The following ANO3 variants were observed in gnomAD, a reference collection of about 807,000 sequenced individuals.
The protein encoded by ANO3 is anoctamin-3.
A neutral mutation model predicts 144.8 loss-of-function variants in ANO3; 99 were observed. That is an observed-to-expected ratio of 0.68 (90% CI 0.58 to 0.81). The LOEUF (loss-of-function observed/expected upper bound fraction) is 0.81, where lower values mean the gene tolerates loss of function less well. Among genes scored for constraint, ANO3 ranks in the 30% least tolerant of loss-of-function variants. The pLI, the probability that ANO3 is intolerant of heterozygous loss-of-function variation, is 0.00. For missense variants in ANO3, 905 were observed against 1,202.2 expected (o/e 0.75, Z 3.66); for synonymous variants, 414 against 392.6 (o/e 1.05, Z -0.64).
intron 24 of ANO3, 41 bp from the exon 25 acceptor site, chr11:26,656,084 T>G (rs1853679486): frequency 7.0e-7 from 1 of 1,431,378 alleles, no homozygotes; most frequent in East Asian, 2.3e-5. Context: ...GCTAGAAACG[T>G]ATGAATCTTT....
intron 3 of ANO3, among the ~76,000 whole-genome samples, chr11:26,462,381 T>C (rs769575427): frequency 3.3e-5 from 5 of 151,836 alleles, no homozygotes; most frequent in Non-Finnish European, 1.5e-5. Flanking sequence ...TTTCCTATTT[T>C]ATATTATTTT....
chr11:26,656,234 G>T, intron 25 of ANO3, 29 bp downstream of exon 25: 1 of 1,581,414 alleles, frequency 6.3e-7, no homozygotes, highest in South Asian at 1.1e-5. Context: ...TTTCCTGCTT[G>T]CTTTCACCAT....
At chr11:26,440,276 T>G (rs1327768575) in intron 1 of ANO3, among the ~76,000 whole-genome samples, 2 of 152,140 alleles carry the variant, frequency 1.3e-5, no homozygotes, top group African/African-American at 4.8e-5. Context: ...CAGGTAATAA[T>G]GAACTACCTG....
intron 1 of ANO3, among the ~76,000 whole-genome samples, chr11:26,337,634 A>G (rs1855227819): frequency 6.6e-6 from 1 of 152,212 alleles, no homozygotes; most frequent in African/African-American, 2.4e-5. Context: ...TCATTATTTT[A>G]ATGTCTTATA....
chr11:26,374,300 G>C (rs185122595), intron 1 of ANO3, among the ~76,000 whole-genome samples: 1 of 152,146 alleles, frequency 6.6e-6, no homozygotes, highest in Admixed American at 6.5e-5. Context: ...CAGCTGAAAC[G>C]TAATACACAT....
intron 20 of ANO3, 45 bp downstream of exon 20, chr11:26,635,115 G>A: frequency 1.9e-6 from 3 of 1,549,500 alleles, no homozygotes; most frequent in Non-Finnish European, 2.7e-6. Flanking sequence ...GCATGGATAT[G>A]GGCCAGTTAC....
chr11:26,433,211 G>A (rs1306973920), intron 1 of ANO3, among the ~76,000 whole-genome samples: 1 of 152,118 alleles, frequency 6.6e-6, no homozygotes, highest in East Asian at 1.9e-4. Flanking sequence ...TTGGTGTATA[G>A]GAATGCTAGT....
chr11:26,318,959 G>C (rs1217580480), intron 1 of ANO3, among the ~76,000 whole-genome samples: 1 of 151,960 alleles, frequency 6.6e-6, no homozygotes, highest in Non-Finnish European at 1.5e-5. Flanking sequence ...TGAATATATA[G>C]TTGTTTTCTT....
Position 26,541,777 on chromosome 11 carries a change from A to G in ANO3, c.1033-170A>G, listed in dbSNP as rs139394985. ...AATAACTATCGGACTATTTTTAATG[A>G]AAGATATGTAAAGGCATCCATCACA... On this transcript the variant is annotated intron_variant, in intron 10 of 26. Coordinates refer to ENST00000256737, the MANE Select transcript of ANO3 (RefSeq NM_031418.4). Among the ~76,000 whole-genome samples the G allele has an allele frequency of 2.0e-3, 310 of 152,274 alleles. 9 individuals are homozygous for G. In the East Asian group the frequency reaches 0.056, roughly 28 times the overall value.
Position 26,572,874 on chromosome 11 carries a change from A to T in ANO3, c.1447+13095A>T, listed in dbSNP as rs573254392. Among the ~76,000 whole-genome samples, 12 of 152,230 alleles carry T rather than the reference A, an allele frequency of 7.9e-5. No individual in the cohort carries two copies. The South Asian group carries it at 2.5e-3, about 32-fold the overall frequency. On this transcript the variant is annotated intron_variant, in intron 14 of 26. Coordinates refer to ENST00000256737, the MANE Select transcript of ANO3 (RefSeq NM_031418.4). ...CTCACTTATCCTAGGAGCCTTCTCG[A>T]TTAAGTAGTTTCCACCCTGTGTTCT...
At chr11:26,410,243 C>A (rs1490566615) in intron 1 of ANO3, among the ~76,000 whole-genome samples, 2 of 151,806 alleles carry the variant, frequency 1.3e-5, no homozygotes, top group Non-Finnish European at 1.5e-5. Flanking sequence ...GCCATATATC[C>A]TTATTTATAA....
chr11:26,617,227 A>G (rs1852287200), intron 17 of ANO3, among the ~76,000 whole-genome samples: 1 of 152,166 alleles, frequency 6.6e-6, no homozygotes, highest in African/African-American at 2.4e-5. Context: ...CCTCTTCCTC[A>G]GTTACCACAC....
chr11:26,604,196 A>G (rs933729794), intron 17 of ANO3, among the ~76,000 whole-genome samples: 1 of 151,924 alleles, frequency 6.6e-6, no homozygotes, highest in Non-Finnish European at 1.5e-5. Flanking sequence ...TGTTTTTGTC[A>G]GGTTTGTTGA....
chr11:26,643,557 A>G (rs1426907249), intron 23 of ANO3, among the ~76,000 whole-genome samples: 1 of 151,934 alleles, frequency 6.6e-6, no homozygotes, highest in Non-Finnish European at 1.5e-5. Context: ...GGAATTCGAG[A>G]CCAGCCTGAC....
intron 10 of ANO3, among the ~76,000 whole-genome samples, chr11:26,538,290 A>G (rs1350121004): frequency 6.6e-6 from 1 of 152,230 alleles, no homozygotes. Context: ...AAGGTTAGAT[A>G]TCAAAGGCGC....
intron 14 of ANO3, among the ~76,000 whole-genome samples, chr11:26,589,494 T>C (rs1000260403): frequency 6.6e-6 from 1 of 152,052 alleles, no homozygotes; most frequent in African/African-American, 2.4e-5. Flanking sequence ...TCAATGGGTT[T>C]TTTGCATATT....
chr11:26,210,231 AT>A (rs1851904333), intron 1 of ANO3, among the ~76,000 whole-genome samples: 1 of 152,164 alleles, frequency 6.6e-6, no homozygotes. Context: ...AACACTATTT[AT>A]TAAATAAGGA....
At chr11:26,398,816 G>T (rs887365302) in intron 1 of ANO3, among the ~76,000 whole-genome samples, 4 of 152,010 alleles carry the variant, frequency 2.6e-5, no homozygotes, top group Non-Finnish European at 5.9e-5. Flanking sequence ...CCATGAAGCA[G>T]CCCAGGGAAG....
chr11:26,326,256 A>G (rs1854880073), intron 1 of ANO3, among the ~76,000 whole-genome samples: 1 of 152,176 alleles, frequency 6.6e-6, no homozygotes, highest in African/African-American at 2.4e-5. Flanking sequence ...GTTTGAGGCT[A>G]TTAATAATTA....
Sources: allele counts gnomAD v4.1 joint callset (sites outside exome capture counted in the v4.1 genomes callset), GRCh38; gene constraint gnomAD v4.1.1; transcripts MANE v1.5; gene names NCBI Gene and HGNC (gene_info 2026-07-23, HGNC 2026-07-21).